Variants in SLC45A4 observed in about 807,000 individuals in gnomAD.
SLC45A4 encodes the protein polyamine-transporter SLC45A4.
Under a neutral mutation model 63.7 loss-of-function variants are expected in SLC45A4, and 32 were observed. The observed-to-expected ratio is 0.50, with a 90% confidence interval of 0.38 to 0.67. SLC45A4 has a LOEUF of 0.67. SLC45A4 is among the 30% of genes least tolerant of loss of function. The pLI is 0.00. For missense variants in SLC45A4, 1,027 were observed against 1,157.7 expected (o/e 0.89, Z 1.64); for synonymous variants, 535 against 510.0 (o/e 1.05, Z -0.66).
chr8:141,302,421 GC>G (rs1424984876), intron 1 of SLC45A4, among the ~76,000 whole-genome samples: 1 of 29,482 alleles, frequency 3.4e-5, no homozygotes, highest in Non-Finnish European at 6.4e-5. Flanking sequence ...CCCCACCCCT[GC>G]CCCCAGGTTC....
intron 1 of SLC45A4, among the ~76,000 whole-genome samples, chr8:141,306,203 T>A (rs1830894975): frequency 6.6e-6 from 1 of 151,644 alleles, no homozygotes; most frequent in Non-Finnish European, 1.5e-5. Context: ...CTGGGCAGCC[T>A]CCCCACTCCC....
rs572727084 is a variant in SLC45A4, at chr8:141,283,348, C to T, written c.-401+24748G>A. 5.9e-5 allele frequency among the ~76,000 whole-genome samples: 9 copies of T among 152,316 alleles called. No homozygotes were observed. The South Asian group carries it at 1.5e-3, about 25-fold the overall frequency. ...CCAGTGGCAGTGCCTGGCCTCCTAG[C>T]AGGCCCAACAGTCTCACGTCCTGGG... On this transcript the variant is annotated intron_variant, in intron 1 of 8. Coordinates refer to ENST00000517878, the MANE Select transcript of SLC45A4 (RefSeq NM_001286646.2).
At position 141,254,481 on chromosome 8, in the gene SLC45A4, A is replaced by G. The variant is rs894297977; in HGVS notation, c.-252T>C. 1.2e-5 allele frequency: 8 copies of G among 678,370 alleles called. No homozygotes were observed. In the African/African-American group the frequency reaches 1.4e-4, roughly 12 times the overall value. 42.0% of individuals were successfully genotyped at this position (678,370 alleles called of 1,614,324 possible). On this transcript the variant is annotated 5_prime_UTR_variant, in exon 2 of 9. Coordinates refer to ENST00000517878, the MANE Select transcript of SLC45A4 (RefSeq NM_001286646.2). This position sits in a 1 kb window ranked among gnomAD's most constrained non-coding sequence, Gnocchi z 4.5. ...GGCTTGCTGGTTTACTGTGAATTAG[A>G]GTTAAAAATCCATAATTGCCATTCA... is the stretch of plus-strand genomic sequence containing the variant.
chr8:141,216,658 T>C (rs1050091792), intron 6 of SLC45A4, among the ~76,000 whole-genome samples: 8 of 152,196 alleles, frequency 5.3e-5, no homozygotes, highest in Admixed American at 5.2e-4. Flanking sequence ...TTACCCCTGG[T>C]TCCTGGTGAG....
In SLC45A4 at chr8:141,249,307, A is replaced by G. The variant is rs562259041; in HGVS notation, c.241+4682T>C. ...GCAGCTTTATTATCACAGCCTCCAAAATGGAAACCACCCAAATCTCTACCA... is the reference window on the plus strand; with the variant it reads ...GCAGCTTTATTATCACAGCCTCCAAGATGGAAACCACCCAAATCTCTACCA... On this transcript the variant is annotated intron_variant, in intron 2 of 8. Transcript: ENST00000517878. Among the ~76,000 whole-genome samples, 7 of 152,302 alleles carry G rather than the reference A, an allele frequency of 4.6e-5. No individual in the cohort carries two copies. In the East Asian group the frequency reaches 1.4e-3, roughly 29 times the overall value.
At chr8:141,301,093 G>A (rs940131056) in intron 1 of SLC45A4, among the ~76,000 whole-genome samples, 22 of 152,102 alleles carry the variant, frequency 1.4e-4, no homozygotes, top group Non-Finnish European at 3.1e-4. Flanking sequence ...AGAAAGTCCC[G>A]GTGCCCAGGG....
At chr8:141,242,247 A>G (rs1462900210) in intron 2 of SLC45A4, among the ~76,000 whole-genome samples, 1 of 152,274 alleles carries the variant, frequency 6.6e-6, no homozygotes, top group Non-Finnish European at 1.5e-5. Context: ...ACGATGATCA[A>G]AAGGCCCAGA....
chr8:141,234,078 C>G (rs1015715844), intron 2 of SLC45A4, among the ~76,000 whole-genome samples: 2 of 152,236 alleles, frequency 1.3e-5, no homozygotes, highest in African/African-American at 4.8e-5. Context: ...TGGCATAAAC[C>G]ATTAGCGAAT....
chr8:141,244,211 C>CAAGAGAG (rs1828054987), intron 2 of SLC45A4, among the ~76,000 whole-genome samples: 1 of 152,204 alleles, frequency 6.6e-6, no homozygotes, highest in African/African-American at 2.4e-5. Flanking sequence ...GTTTGAAAGG[C>CAAGAGAG]CTCTTCCCTG....
chr8:141,218,103 G>A lies in SLC45A4; in HGVS notation c.1537C>T (p.Leu513Phe). 6.2e-7 allele frequency: 1 copy of A among 1,612,626 alleles called. No individual in the cohort carries two copies. Among genetic ancestry groups the A allele is most frequent in the African/African-American group, 1.3e-5 (1 of 75,044 alleles). ...KMPRELMRLC[L>F]CHLLTWFSVI... ...GAGAACCAGGTGAGGAGGTGGCAGAGGCACAGCCGCATCAGCTCCCTGGGC... is the reference window on the plus strand; with the variant it reads ...GAGAACCAGGTGAGGAGGTGGCAGAAGCACAGCCGCATCAGCTCCCTGGGC... The change falls in exon 5 of 9, where the codon CTC becomes TTC. Residue 513 changes from leucine (L) to phenylalanine (F), a missense_variant. Physicochemically the swap from Leu to Phe is conservative, Grantham distance 22 (BLOSUM62 0). Coordinates refer to ENST00000517878, the MANE Select transcript of SLC45A4 (RefSeq NM_001286646.2).
At chr8:141,284,590 A>G (rs1830072054) in intron 1 of SLC45A4, among the ~76,000 whole-genome samples, 1 of 152,254 alleles carries the variant, frequency 6.6e-6, no homozygotes, top group Non-Finnish European at 1.5e-5. Context: ...AATGGAATAC[A>G]GGTCAAAACC....
chr8:141,304,866 C>A (rs1830853771), intron 1 of SLC45A4, among the ~76,000 whole-genome samples: 1 of 152,200 alleles, frequency 6.6e-6, no homozygotes, highest in South Asian at 2.1e-4. Context: ...CCCTCTAAGT[C>A]TGTGGATGTT....
At position 141,254,750 on chromosome 8, in the gene SLC45A4, AGCT is replaced by A. The variant is rs745753272; in HGVS notation, c.-400-124_-400-122del. Reference sequence around the variant, plus strand: ...CCGAGGGCCCGACCCAAGATCACACAGCTCTCTGCCACTCACTCTGGGTACGTC... The same window carrying A: ...CCGAGGGCCCGACCCAAGATCACACACTCTGCCACTCACTCTGGGTACGTC... On this transcript the variant is annotated intron_variant, in intron 1 of 8. Transcript: ENST00000517878. This position sits in a 1 kb window ranked among gnomAD's most constrained non-coding sequence, Gnocchi z 4.5. 1.5e-6 allele frequency: 1 copy of A among 679,988 alleles called. No individual in the cohort carries two copies. The allele number at this position is 679,988 out of a possible 1,614,324, so 42.1% of individuals were successfully genotyped here.
Position 141,227,238 on chromosome 8 carries a change from G to A in SLC45A4, c.242-5473C>T, listed in dbSNP as rs1390831375. 6.6e-6 allele frequency among the ~76,000 whole-genome samples: 1 copy of A among 152,218 alleles called. No individual in the cohort carries two copies. The highest frequency in any genetic ancestry group is 2.4e-5 in the African/African-American group (1 of 41,454). On this transcript the variant is annotated intron_variant, in intron 2 of 8. Coordinates refer to ENST00000517878, the MANE Select transcript of SLC45A4 (RefSeq NM_001286646.2). The surrounding 1 kb of genome is among the most constrained non-coding windows in gnomAD (Gnocchi z 4.4). ...GGCCGCAGGCTGTGTGAGGTCACGG[G>A]CGACGCTCGGGTCACGTGTGGCGGC...
At chr8:141,258,853 T>C (rs753171365) in intron 1 of SLC45A4, among the ~76,000 whole-genome samples, 3 of 150,812 alleles carry the variant, frequency 2.0e-5, no homozygotes, top group Non-Finnish European at 4.4e-5. Flanking sequence ...ATTATGCCAT[T>C]GAACTCCAGT....
chr8:141,298,588 A>C (rs150984699), intron 1 of SLC45A4, among the ~76,000 whole-genome samples: 1 of 152,328 alleles, frequency 6.6e-6, no homozygotes, highest in Non-Finnish European at 1.5e-5. Context: ...AGAAACAAGG[A>C]AACAAATTGG....
At chr8:141,237,566 AC>A (rs1343560948) in intron 2 of SLC45A4, among the ~76,000 whole-genome samples, 1 of 152,006 alleles carries the variant, frequency 6.6e-6, no homozygotes, top group Non-Finnish European at 1.5e-5. Context: ...TCATATTTTA[AC>A]CGTCCTTCCT....
At position 141,278,136 on chromosome 8, in the gene SLC45A4, C is replaced by T. The variant is rs544270076; in HGVS notation, c.-400-23507G>A. On this transcript the variant is annotated intron_variant, in intron 1 of 8. Transcript: ENST00000517878. This position sits in a 1 kb window ranked among gnomAD's most constrained non-coding sequence, Gnocchi z 4.1. The stretch of plus-strand genomic sequence containing the variant: ...CATCTGCGAATAGTTCCAGGACACA[C>T]CCTTACACTTTTGCACCTGCCTCAG... 2.0e-5 allele frequency: 3 copies of T among 152,584 alleles called. No individual in the cohort carries two copies. The highest frequency in any genetic ancestry group is 4.4e-5 in the Non-Finnish European group (3 of 68,264). 9.5% of individuals were successfully genotyped at this position (152,584 alleles called of 1,614,324 possible). A position where few individuals can be genotyped will look rare whatever the true frequency, so the allele number is the denominator to read the frequency against.
intron 1 of SLC45A4, among the ~76,000 whole-genome samples, chr8:141,274,983 C>G (rs1829677776): frequency 6.6e-6 from 1 of 152,262 alleles, no homozygotes; most frequent in Non-Finnish European, 1.5e-5. Flanking sequence ...AGAACGGCCA[C>G]TTTCTCTTCG....
Sources: allele counts gnomAD v4.1 joint callset (sites outside exome capture counted in the v4.1 genomes callset), GRCh38; gene constraint gnomAD v4.1.1; non-coding constraint Gnocchi (gnomAD v3.1); transcripts MANE v1.5; gene names NCBI Gene and HGNC (gene_info 2026-07-23, HGNC 2026-07-21).